LRP8: variants seen among roughly 807,000 people sequenced by gnomAD.
LRP8 encodes the protein low-density lipoprotein receptor-related protein 8.
Under a neutral mutation model 111.6 loss-of-function variants are expected in LRP8, and 46 were observed. That is an observed-to-expected ratio of 0.41 (90% CI 0.33 to 0.53). The LOEUF (loss-of-function observed/expected upper bound fraction) is 0.53, where lower values mean the gene tolerates loss of function less well. LRP8 is among the 20% of genes least tolerant of loss of function. The pLI, the probability that LRP8 is intolerant of heterozygous loss-of-function variation, is 0.20. For missense variants in LRP8, 959 were observed against 1,297.4 expected (o/e 0.74, Z 4.01); for synonymous variants, 464 against 511.2 (o/e 0.91, Z 1.24).
intron 3 of LRP8, among the ~76,000 whole-genome samples, chr1:53,281,434 C>T (rs1647106630): frequency 6.6e-6 from 1 of 152,262 alleles, no homozygotes. Context: ...CTGCTGGACC[C>T]ATGTGACAGG....
At chr1:53,316,364 A>T (rs1308189320) in intron 2 of LRP8, among the ~76,000 whole-genome samples, 1 of 152,192 alleles carries the variant, frequency 6.6e-6, no homozygotes, top group Non-Finnish European at 1.5e-5. Flanking sequence ...GCTGATGTAG[A>T]GTCTGCTCTC....
chr1:53,297,129 G>A (rs1274094773), intron 2 of LRP8, among the ~76,000 whole-genome samples: 1 of 152,128 alleles, frequency 6.6e-6, no homozygotes, highest in African/African-American at 2.4e-5. Context: ...TAAAGATCCC[G>A]TGGGTCCATT....
rs1362822042 is a variant in LRP8 at position 53,244,094 on chromosome 1, A to T, written c.*2924T>A. ...TTTTTGCCAGTTAACAGGTTACTTC[A>T]ATCTGTTTTATAAATAATCTGTGTA... On this transcript the variant is annotated 3_prime_UTR_variant, in exon 19 of 19. Coordinates refer to ENST00000306052, the MANE Select transcript of LRP8 (RefSeq NM_004631.5). 3.3e-5 allele frequency: 5 copies of T among 152,236 alleles called. No homozygotes were observed. Among genetic ancestry groups the T allele is most frequent in the Non-Finnish European group, 7.3e-5 (5 of 68,040 alleles). 9.4% of individuals were successfully genotyped at this position (152,236 alleles called of 1,614,324 possible). A position where few individuals can be genotyped will look rare whatever the true frequency, so the allele number is the denominator to read the frequency against.
chr1:53,295,614 A>C (rs1206892068), intron 2 of LRP8, among the ~76,000 whole-genome samples: 1 of 152,044 alleles, frequency 6.6e-6, no homozygotes, highest in African/African-American at 2.4e-5. Context: ...GGGGAGGGGT[A>C]GGGGGCAGGA....
intron 4 of LRP8, among the ~76,000 whole-genome samples, chr1:53,278,412 C>T (rs1455335153): frequency 2.0e-5 from 3 of 152,206 alleles, no homozygotes; most frequent in East Asian, 3.8e-4. Flanking sequence ...GATCTTTCCA[C>T]GTGGGGGCGC....
chr1:53,246,775 G>A lies in LRP8; in HGVS notation c.*243C>T. ...CCATTCCACGAATTCCTCATGGGTA[G>A]TGCAACCAGTTAAAAAGTGTATAAA... is the stretch of plus-strand genomic sequence containing the variant. On this transcript the variant is annotated 3_prime_UTR_variant, in exon 19 of 19. Coordinates refer to ENST00000306052, the MANE Select transcript of LRP8 (RefSeq NM_004631.5). 2 of 492,526 alleles carry A rather than the reference G, an allele frequency of 4.1e-6. No individual in the cohort carries two copies. The highest frequency in any genetic ancestry group is 7.1e-6 in the Non-Finnish European group (2 of 282,634). The allele number at this position is 492,526 out of a possible 1,614,324, so 30.5% of individuals were successfully genotyped here.
chr1:53,326,772 AG>A, intron 2 of LRP8, 100 bp downstream of exon 2: 1 of 1,490,776 alleles, frequency 6.7e-7, no homozygotes, highest in East Asian at 2.5e-5. Context: ...AGTCCCGCGC[AG>A]GTGGCAGCGC....
At chr1:53,315,587 T>C (rs1653692698) in intron 2 of LRP8, among the ~76,000 whole-genome samples, 1 of 152,200 alleles carries the variant, frequency 6.6e-6, no homozygotes, top group African/African-American at 2.4e-5. Context: ...GGTAGGGCCC[T>C]GCTGTTATCC....
At chr1:53,291,390 C>G (rs762648857) in intron 2 of LRP8, among the ~76,000 whole-genome samples, 4 of 152,102 alleles carry the variant, frequency 2.6e-5, no homozygotes, top group Admixed American at 2.0e-4. Context: ...TTAGAAGTCC[C>G]GTGGCCCCAG....
chr1:53,277,738 A>G (rs948053238), intron 4 of LRP8, among the ~76,000 whole-genome samples: 1 of 152,160 alleles, frequency 6.6e-6, no homozygotes, highest in Non-Finnish European at 1.5e-5. Context: ...CACCTCTTCC[A>G]TGACACCCTG....
At chr1:53,309,027 C>A (rs1406673433) in intron 2 of LRP8, among the ~76,000 whole-genome samples, 1 of 152,196 alleles carries the variant, frequency 6.6e-6, no homozygotes, top group Non-Finnish European at 1.5e-5. Flanking sequence ...GTAATCCCAG[C>A]ACTTTGGGAG....
At position 53,328,046 on chromosome 1, in the gene LRP8, C is replaced by G; in HGVS notation, c.-134G>C. ...CGCCGCCGCCGCCGCCGCTGCCGCC[C>G]GCCCCGGCTCCTCGGCTGCATTTCA... On this transcript the variant is annotated 5_prime_UTR_variant, in exon 1 of 19. Coordinates refer to ENST00000306052, the MANE Select transcript of LRP8 (RefSeq NM_004631.5). 2.7e-6 allele frequency: 1 copy of G among 371,100 alleles called. No individual in the cohort carries two copies. The highest frequency in any genetic ancestry group is 3.7e-6 in the Non-Finnish European group (1 of 269,778). The allele number at this position is 371,100 out of a possible 1,614,324, so 23.0% of individuals were successfully genotyped here.
Position 53,317,952 on chromosome 1 carries a change from C to T in LRP8, c.244+8921G>A, listed in dbSNP as rs940992316. On this transcript the variant is annotated intron_variant, in intron 2 of 18. Transcript: ENST00000306052. The surrounding 1 kb of genome is among the most constrained non-coding windows in gnomAD (Gnocchi z 4.9). ...AGCCCACCAAGCCAGCTATACTCCC[C>T]GCACTGTCACCAGGTAGTAAGGCAC... Among the ~76,000 whole-genome samples the T allele has an allele frequency of 6.6e-6, 1 of 152,188 alleles. No homozygotes were observed. Among genetic ancestry groups the T allele is most frequent in the Non-Finnish European group, 1.5e-5 (1 of 68,032 alleles).
intron 2 of LRP8, among the ~76,000 whole-genome samples, chr1:53,314,158 GC>G (rs1408478851): frequency 2.6e-5 from 4 of 151,224 alleles, no homozygotes; most frequent in African/African-American, 4.8e-5. Context: ...TTCAGCCACA[GC>G]CCCCCAGTGC....
chr1:53,247,176 A>G (rs1315651293), intron 18 of LRP8, 120 bp from the exon 19 acceptor site: 2 of 674,726 alleles, frequency 3.0e-6, no homozygotes, highest in Admixed American at 3.8e-5. Context: ...TGTTCAAACT[A>G]TCCTAAGAGA....
intron 16 of LRP8, among the ~76,000 whole-genome samples, chr1:53,252,279 C>T (rs1645922788): frequency 6.6e-6 from 1 of 151,918 alleles, no homozygotes; most frequent in Non-Finnish European, 1.5e-5. Flanking sequence ...TATGTAATAC[C>T]AACATTTTGG....
In LRP8 at chr1:53,244,144, G is replaced by A. The variant is rs147120487; in HGVS notation, c.*2874C>T. 5 of 152,288 alleles carry A rather than the reference G, an allele frequency of 3.3e-5. No individual in the cohort carries two copies. The East Asian group carries it at 7.7e-4, about 23-fold the overall frequency. The allele number at this position is 152,288 out of a possible 1,614,324, so 9.4% of individuals were successfully genotyped here. ...ATCAAGAGTAAATAAGTACAGTTTC[G>A]TTTTCTCTGTTTCTAGAAGGCATTT... On this transcript the variant is annotated 3_prime_UTR_variant, in exon 19 of 19. Transcript: ENST00000306052.
intron 2 of LRP8, among the ~76,000 whole-genome samples, chr1:53,313,263 T>A (rs946970067): frequency 1.3e-5 from 2 of 152,054 alleles, no homozygotes; most frequent in African/African-American, 4.8e-5. Context: ...GAACAAACCC[T>A]CAGTGAATGT....
chr1:53,266,420 C>A lies in LRP8; in HGVS notation c.1427+53G>T. 1.3e-6 allele frequency: 2 copies of A among 1,586,482 alleles called. No homozygotes were observed. ...CCACTCCTCCCCTCCTCACCTGTCA[C>A]CACCCCTCACCCCCACTCTTCATGC... On this transcript the variant is annotated intron_variant, in intron 9 of 18. Coordinates refer to ENST00000306052, the MANE Select transcript of LRP8 (RefSeq NM_004631.5). The surrounding 1 kb of genome is among the most constrained non-coding windows in gnomAD (Gnocchi z 5.0).
Sources: gnomAD v4.1 joint callset for allele counts (sites outside exome capture counted in the v4.1 genomes callset) on GRCh38, gnomAD v4.1.1 for gene constraint, Gnocchi (gnomAD v3.1) non-coding constraint, MANE v1.5 for transcripts, NCBI Gene and HGNC (gene_info 2026-07-23, HGNC 2026-07-21) for gene names.